TOMM20: variants seen among roughly 807,000 people sequenced by gnomAD.
TOMM20 encodes translocase of outer mitochondrial membrane 20.
TOMM20 carries 10 observed loss-of-function variants against 22.1 expected under a neutral mutation model. The ratio of observed to expected loss-of-function variants is 0.45; its 90% confidence interval spans 0.28 to 0.77. The LOEUF is 0.77. Ranked by LOEUF, TOMM20 falls within the 30% of genes least tolerant of loss-of-function variation. The pLI, the probability that TOMM20 is intolerant of heterozygous loss-of-function variation, is 0.13. For synonymous variants in TOMM20, 55 were observed against 61.4 expected (o/e 0.90, Z 0.49); for missense variants, 121 against 172.2 (o/e 0.70, Z 1.66).
At chr1:235,123,108 C>T (rs895967486) in intron 1 of TOMM20, among the ~76,000 whole-genome samples, 16 of 152,178 alleles carry the variant, frequency 1.1e-4, no homozygotes, top group African/African-American at 3.6e-4. Context: ...TACAGGACTA[C>T]AGTGAGAAAC....
chr1:235,122,221 TA>T (rs1660941844), intron 2 of TOMM20, 104 bp downstream of exon 2: 20 of 1,005,368 alleles, frequency 2.0e-5, no homozygotes, highest in Non-Finnish European at 2.8e-5. Context: ...CAATGTCCAG[TA>T]TCAACTAGCT....
Position 235,128,734 on chromosome 1 carries a change from C to G in TOMM20, c.-19G>C. The G allele has an allele frequency of 6.2e-7, 1 of 1,613,632 alleles. No individual in the cohort carries two copies. The highest frequency in any genetic ancestry group is 8.5e-7 in the Non-Finnish European group (1 of 1,179,816). On this transcript the variant is annotated 5_prime_UTR_variant, in exon 1 of 5. Transcript: ENST00000366607. ...CCACCATCTTCTCTACAACGCTGAGCGTGGACGGTGGCGGCAGGGACCGCG... is the reference window on the plus strand; with the variant it reads ...CCACCATCTTCTCTACAACGCTGAGGGTGGACGGTGGCGGCAGGGACCGCG...
intron 1 of TOMM20, among the ~76,000 whole-genome samples, chr1:235,128,232 A>G (rs1661066110): frequency 6.6e-6 from 1 of 152,240 alleles, no homozygotes; most frequent in Non-Finnish European, 1.5e-5. Flanking sequence ...CTCAGACTAA[A>G]ATTTGCGACA....
chr1:235,126,674 G>A (rs947096461), intron 1 of TOMM20, among the ~76,000 whole-genome samples: 2 of 151,858 alleles, frequency 1.3e-5, no homozygotes, highest in Admixed American at 1.3e-4. Flanking sequence ...ATGGTGGTGT[G>A]CGCCTGTAAT....
At chr1:235,121,070 G>C (rs1660924568) in intron 2 of TOMM20, among the ~76,000 whole-genome samples, 1 of 151,878 alleles carries the variant, frequency 6.6e-6, no homozygotes, top group Non-Finnish European at 1.5e-5. Context: ...ATGGTGACAT[G>C]CACCTGTAGT....
At chr1:235,120,690 C>T (rs1375158229) in intron 2 of TOMM20, among the ~76,000 whole-genome samples, 2 of 151,852 alleles carry the variant, frequency 1.3e-5, no homozygotes, top group Non-Finnish European at 2.9e-5. Flanking sequence ...GATCCTCCTA[C>T]CTCAGCCTCT....
rs541598581 is a variant in TOMM20 at position 235,109,817 on chromosome 1, G to A, written c.*2247C>T. On this transcript the variant is annotated 3_prime_UTR_variant, in exon 5 of 5. Coordinates refer to ENST00000366607, the MANE Select transcript of TOMM20 (RefSeq NM_014765.3). ...ATTTCCAAAGTTTTTTAGTAAGTGT[G>A]CAACATTAGCACATGGAAACGCTCA... is the stretch of plus-strand genomic sequence containing the variant. The A allele has an allele frequency of 3.3e-5, 5 of 152,316 alleles. No homozygotes were observed. In the East Asian group the frequency reaches 9.6e-4, roughly 29 times the overall value. 9.4% of individuals were successfully genotyped at this position (152,316 alleles called of 1,614,324 possible).
rs1436125358 is a variant in TOMM20, at chr1:235,111,943, T to C, written c.*121A>G. 9 of 777,652 alleles carry C rather than the reference T, an allele frequency of 1.2e-5. 1 individual carries two copies. Among genetic ancestry groups the C allele is most frequent in the African/African-American group, 5.3e-5 (3 of 56,608 alleles). The allele number at this position is 777,652 out of a possible 1,614,324, so 48.2% of individuals were successfully genotyped here. On this transcript the variant is annotated 3_prime_UTR_variant, in exon 5 of 5. Coordinates refer to ENST00000366607, the MANE Select transcript of TOMM20 (RefSeq NM_014765.3). Reference sequence around the variant, plus strand: ...GATCTACACAAAGTAAACATTAACTTTGGTAGATTTCAGTGTAGTTCATAA... The same window carrying C: ...GATCTACACAAAGTAAACATTAACTCTGGTAGATTTCAGTGTAGTTCATAA...
At chr1:235,127,522 C>A (rs552864453) in intron 1 of TOMM20, among the ~76,000 whole-genome samples, 1 of 152,302 alleles carries the variant, frequency 6.6e-6, no homozygotes, top group South Asian at 2.1e-4. Context: ...TCACACAGGG[C>A]TACTGAACAC....
intron 2 of TOMM20, 42 bp from the exon 3 acceptor site, chr1:235,119,941 A>G: frequency 7.3e-7 from 1 of 1,360,566 alleles, no homozygotes; most frequent in Non-Finnish European, 1.0e-6. Context: ...CAATTATGCC[A>G]GGGGATATAA....
At chr1:235,121,745 C>T (rs184342647) in intron 2 of TOMM20, among the ~76,000 whole-genome samples, 106 of 152,284 alleles carry the variant, frequency 7.0e-4, no homozygotes, top group African/African-American at 2.3e-3. Flanking sequence ...TACTTACACA[C>T]GCCACAGAAC....
At chr1:235,114,751 A>G (rs1405384178) in intron 3 of TOMM20, among the ~76,000 whole-genome samples, 1 of 152,112 alleles carries the variant, frequency 6.6e-6, no homozygotes, top group Non-Finnish European at 1.5e-5. Flanking sequence ...TTATCTATAA[A>G]TATCCTTCAA....
rs1487555315 is a variant in TOMM20, at chr1:235,111,398, T to A, written c.*666A>T. On this transcript the variant is annotated 3_prime_UTR_variant, in exon 5 of 5. Transcript: ENST00000366607. ...AGCTCACAAGGCTAGATTAGGGGTG[T>A]ACAGAAATCTAATTCCTGGTGCTAT... 3 of 152,388 alleles carry A rather than the reference T, an allele frequency of 2.0e-5. No individual in the cohort carries two copies. The highest frequency in any genetic ancestry group is 4.4e-5 in the Non-Finnish European group (3 of 68,154). The allele number at this position is 152,388 out of a possible 1,614,324, so 9.4% of individuals were successfully genotyped here.
At position 235,111,943 on chromosome 1, in the gene TOMM20, T is replaced by G; in HGVS notation, c.*121A>C. 2.6e-6 allele frequency: 2 copies of G among 777,770 alleles called. No individual in the cohort carries two copies. The highest frequency in any genetic ancestry group is 4.4e-6 in the Non-Finnish European group (2 of 456,900). 48.2% of individuals were successfully genotyped at this position (777,770 alleles called of 1,614,324 possible). A position where few individuals can be genotyped will look rare whatever the true frequency, so the allele number is the denominator to read the frequency against. On this transcript the variant is annotated 3_prime_UTR_variant, in exon 5 of 5. Coordinates refer to ENST00000366607, the MANE Select transcript of TOMM20 (RefSeq NM_014765.3). ...GATCTACACAAAGTAAACATTAACT[T>G]TGGTAGATTTCAGTGTAGTTCATAA... is the stretch of plus-strand genomic sequence containing the variant.
At position 235,116,336 on chromosome 1, in the gene TOMM20, C is replaced by A. The variant is rs1226518724; in HGVS notation, c.251-2426G>T. Among the ~76,000 whole-genome samples the A allele has an allele frequency of 3.3e-5, 5 of 151,318 alleles. No individual in the cohort carries two copies. In the South Asian group the frequency reaches 8.4e-4, roughly 25 times the overall value. ...TGGGTGGATCACGAGGTCAAAATAT[C>A]GAGACCATCCTGGCCAACATGGTGA... On this transcript the variant is annotated intron_variant, in intron 3 of 4. Transcript: ENST00000366607.
intron 3 of TOMM20, among the ~76,000 whole-genome samples, chr1:235,118,304 T>C (rs1276978368): frequency 1.3e-5 from 2 of 152,206 alleles, no homozygotes; most frequent in South Asian, 2.1e-4. Flanking sequence ...ATAAAATCTA[T>C]CTATCAGCAT....
At chr1:235,120,319 C>A (rs1334291178) in intron 2 of TOMM20, among the ~76,000 whole-genome samples, 1 of 152,186 alleles carries the variant, frequency 6.6e-6, no homozygotes, top group Non-Finnish European at 1.5e-5. Context: ...GTCACCCAGG[C>A]TGGAGTGCAG....
rs1258443512 is a variant in TOMM20 at position 235,109,763 on chromosome 1, T to C, written c.*2301A>G. 2.0e-5 allele frequency: 3 copies of C among 152,216 alleles called. No individual in the cohort carries two copies. Among genetic ancestry groups the C allele is most frequent in the Non-Finnish European group, 2.9e-5 (2 of 68,026 alleles). 9.4% of individuals were successfully genotyped at this position (152,216 alleles called of 1,614,324 possible). A position where few individuals can be genotyped will look rare whatever the true frequency, so the allele number is the denominator to read the frequency against. Reference sequence around the variant, plus strand: ...CTATATCTTTGCCCAAAGAAGCACATCAACTGTTGCACTAATACATTATTT... The same window carrying C: ...CTATATCTTTGCCCAAAGAAGCACACCAACTGTTGCACTAATACATTATTT... On this transcript the variant is annotated 3_prime_UTR_variant, in exon 5 of 5. Coordinates refer to ENST00000366607, the MANE Select transcript of TOMM20 (RefSeq NM_014765.3).
chr1:235,127,993 C>T (rs969950372), intron 1 of TOMM20: 10 of 459,586 alleles, frequency 2.2e-5, no homozygotes, highest in African/African-American at 1.8e-4. Flanking sequence ...CTGACCAACA[C>T]GGTGAAACCC....
Sources: gnomAD v4.1 joint callset for allele counts (sites outside exome capture counted in the v4.1 genomes callset) on GRCh38, gnomAD v4.1.1 for gene constraint, MANE v1.5 for transcripts, NCBI Gene and HGNC (gene_info 2026-07-23, HGNC 2026-07-21) for gene names.